GIGYF2: variants seen among roughly 807,000 people sequenced by gnomAD.
The protein encoded by GIGYF2 is GRB10 interacting GYF protein 2, also known as GRB10-interacting GYF protein 2.
In GIGYF2, 25 loss-of-function variants were observed where a neutral mutation model predicts 208.1. The ratio of observed to expected loss-of-function variants is 0.12; its 90% CI spans 0.09 to 0.17. The LOEUF (loss-of-function observed/expected upper bound fraction) is 0.17, where lower values mean the gene tolerates loss of function less well. GIGYF2 is among the 10% of genes least tolerant of loss of function. The probability of loss-of-function intolerance (pLI) is 1.00; values close to 1 mark genes in which losing one functional copy is unlikely to be tolerated. For synonymous variants in GIGYF2, 534 were observed against 543.8 expected, an observed-to-expected ratio of 0.98 and a Z score of 0.25; for missense variants, 1,302 against 1,579.4, an observed-to-expected ratio of 0.82 and a Z score of 2.98.
At chr2:232,836,284 A>ACT (rs1559160266) in intron 22 of GIGYF2, among the ~76,000 whole-genome samples, 3 of 6,062 alleles carry the variant, frequency 4.9e-4, no homozygotes, top group African/African-American at 2.0e-3. Context: ...ATATATATAT[A>ACT]TATATATATA....
At chr2:232,849,547 A>C (rs1381954730) in intron 27 of GIGYF2, among the ~76,000 whole-genome samples, 1 of 152,158 alleles carries the variant, frequency 6.6e-6, no homozygotes, top group African/African-American at 2.4e-5. Flanking sequence ...TCTGTGGGCT[A>C]AAACAGGAAG....
intron 3 of GIGYF2, among the ~76,000 whole-genome samples, chr2:232,741,776 C>T (rs920939956): frequency 2.0e-5 from 3 of 152,184 alleles, no homozygotes; most frequent in East Asian, 3.9e-4. Flanking sequence ...TATTTGTTTT[C>T]CTCACAGCAG....
chr2:232,778,255 A>G (rs1699596041), intron 8 of GIGYF2, among the ~76,000 whole-genome samples: 2 of 152,200 alleles, frequency 1.3e-5, no homozygotes, highest in South Asian at 2.1e-4. Flanking sequence ...ATATTATAGT[A>G]GGCAAGACAG....
At chr2:232,824,866 A>G (rs1238751190) in intron 21 of GIGYF2, among the ~76,000 whole-genome samples, 1 of 152,244 alleles carries the variant, frequency 6.6e-6, no homozygotes, top group Non-Finnish European at 1.5e-5. Context: ...GGGCTAATGC[A>G]GCTGGTGACT....
In GIGYF2 at chr2:232,706,634, C is replaced by T. The variant is rs1220860286; in HGVS notation, c.-44+3145C>T. Among the ~76,000 whole-genome samples, 9 of 151,946 alleles carry T rather than the reference C, an allele frequency of 5.9e-5. No homozygotes were observed. The South Asian group carries it at 6.2e-4, about 11-fold the overall frequency. The stretch of plus-strand genomic sequence containing the variant: ...CTCTACTAAAAATACAAAAATTAGC[C>T]GGGTGTGGTGGCACGTGCCTGTAGT... On this transcript the variant is annotated intron_variant, in intron 2 of 28. Coordinates refer to ENST00000373563, the MANE Select transcript of GIGYF2 (RefSeq NM_001103146.3).
intron 2 of GIGYF2, among the ~76,000 whole-genome samples, chr2:232,721,177 A>G (rs1045516598): frequency 6.6e-6 from 1 of 152,160 alleles, no homozygotes; most frequent in Non-Finnish European, 1.5e-5. Flanking sequence ...AGATGTGAGG[A>G]CAAGTTCTCT....
chr2:232,710,978 G>A (rs1696368439), intron 2 of GIGYF2, among the ~76,000 whole-genome samples: 1 of 151,944 alleles, frequency 6.6e-6, no homozygotes, highest in Non-Finnish European at 1.5e-5. Flanking sequence ...TGGGATTACA[G>A]GTGTGAACCA....
chr2:232,811,746 A>G (rs1700740340), intron 17 of GIGYF2, among the ~76,000 whole-genome samples: 1 of 152,230 alleles, frequency 6.6e-6, no homozygotes, highest in Non-Finnish European at 1.5e-5. Context: ...GGTAGGTCTA[A>G]GGAAAAGGAA....
At chr2:232,768,140 T>G (rs1418655350) in intron 8 of GIGYF2, 1 of 1,580,954 alleles carries the variant, frequency 6.3e-7, no homozygotes, top group African/African-American at 1.3e-5. Context: ...AAAGAAAAAG[T>G]AGCTGCATAA....
Position 232,812,102 on chromosome 2 carries a change from A to G in GIGYF2, c.2007-289A>G, listed in dbSNP as rs138120588. Among the ~76,000 whole-genome samples the G allele has an allele frequency of 8.0e-3, 1,215 of 152,330 alleles. 14 individuals are homozygous for G. Among genetic ancestry groups the G allele is most frequent in the African/African-American group, 0.027 (1,123 of 41,572 alleles). On this transcript the variant is annotated intron_variant, in intron 17 of 28. Coordinates refer to ENST00000373563, the MANE Select transcript of GIGYF2 (RefSeq NM_001103146.3). ...TGGGTTTTTTAAGATACGGATATAC[A>G]GTATCTTTAAGATATACATATCTTT...
chr2:232,845,406 C>T (rs1701965242), intron 25 of GIGYF2, among the ~76,000 whole-genome samples: 1 of 151,992 alleles, frequency 6.6e-6, no homozygotes, highest in Admixed American at 6.6e-5. Flanking sequence ...TTATGATAAC[C>T]CAAAAAAGTT....
chr2:232,742,035 C>T lies in GIGYF2; in HGVS notation c.42-5580C>T, dbSNP rs950962312. Among the ~76,000 whole-genome samples, 25 of 152,122 alleles carry T rather than the reference C, an allele frequency of 1.6e-4. 1 individual carries two copies. Among genetic ancestry groups the T allele is most frequent in the Non-Finnish European group, 1.5e-4 (10 of 68,034 alleles). On this transcript the variant is annotated intron_variant, in intron 3 of 28. Transcript: ENST00000373563. The stretch of plus-strand genomic sequence containing the variant: ...CCCACTTAACATCTCCTTCCTAGCA[C>T]CTCTCTCTACCCTGTTGGTGAAAAA...
chr2:232,844,811 A>G (rs1231710818), intron 25 of GIGYF2, among the ~76,000 whole-genome samples: 1 of 152,168 alleles, frequency 6.6e-6, no homozygotes, highest in East Asian at 1.9e-4. Flanking sequence ...AGCACATGGT[A>G]ACCACTTAAT....
intron 28 of GIGYF2, 73 bp downstream of exon 28, chr2:232,850,482 A>G (rs1275654210): frequency 7.5e-7 from 1 of 1,335,674 alleles, no homozygotes; most frequent in Admixed American, 1.7e-5. Context: ...GTGAGTTTCC[A>G]TTGAGCATTG....
At chr2:232,711,256 T>C (rs1393284332) in intron 2 of GIGYF2, among the ~76,000 whole-genome samples, 1 of 23,438 alleles carries the variant, frequency 4.3e-5, no homozygotes, top group Non-Finnish European at 8.5e-5. Flanking sequence ...TGGCTAATCT[T>C]TTTTTTTTTT....
chr2:232,786,244 AT>A (rs199979651), intron 8 of GIGYF2, among the ~76,000 whole-genome samples: 4 of 148,718 alleles, frequency 2.7e-5, no homozygotes, highest in Middle Eastern at 3.5e-3. Context: ...CTACTTTTCA[AT>A]TTTTTTTTTT....
intron 28 of GIGYF2, among the ~76,000 whole-genome samples, chr2:232,856,114 T>C (rs1357364916): frequency 6.6e-6 from 1 of 151,994 alleles, no homozygotes; most frequent in Non-Finnish European, 1.5e-5. Flanking sequence ...TTTGTATTTT[T>C]AGTAGAGACG....
At chr2:232,776,436 T>C in intron 8 of GIGYF2, 1 of 1,601,326 alleles carries the variant, frequency 6.2e-7, no homozygotes, top group Non-Finnish European at 8.5e-7. Flanking sequence ...TATTATTGCA[T>C]GTACTCACCA....
chr2:232,741,645 T>A (rs1057498965), intron 3 of GIGYF2, among the ~76,000 whole-genome samples: 2 of 152,086 alleles, frequency 1.3e-5, no homozygotes, highest in Non-Finnish European at 2.9e-5. Flanking sequence ...AGCTTTACCA[T>A]ATTGGCCAGG....
Sources: gnomAD v4.1 joint callset for allele counts (sites outside exome capture counted in the v4.1 genomes callset) on GRCh38, gnomAD v4.1.1 for gene constraint, MANE v1.5 for transcripts, NCBI Gene and HGNC (gene_info 2026-07-23, HGNC 2026-07-21) for gene names.